The following CASP8 variants were observed in gnomAD, a reference collection of about 807,000 sequenced individuals.
The protein encoded by CASP8 is caspase-8.
Under a neutral mutation model 46.3 loss-of-function variants are expected in CASP8, and 24 were observed. That is an observed-to-expected ratio of 0.52 (90% CI 0.38 to 0.73). The LOEUF is 0.73. CASP8 is among the 30% of genes least tolerant of loss of function. The probability of loss-of-function intolerance (pLI) is 0.00; values close to 1 mark genes in which losing one functional copy is unlikely to be tolerated. For synonymous variants in CASP8, 188 were observed against 200.4 expected (o/e 0.94, Z 0.52); for missense variants, 460 against 559.0 (o/e 0.82, Z 1.79).
In CASP8 at chr2:201,272,316, A is replaced by T. The variant is rs973730266; in HGVS notation, c.412-322A>T. Among the ~76,000 whole-genome samples the T allele has an allele frequency of 6.6e-6, 1 of 152,092 alleles. No individual in the cohort carries two copies. Among genetic ancestry groups the T allele is most frequent in the Non-Finnish European group, 1.5e-5 (1 of 68,014 alleles). On this transcript the variant is annotated intron_variant, in intron 3 of 8. Coordinates refer to ENST00000673742, the MANE Select transcript of CASP8 (RefSeq NM_001372051.1). The surrounding 1 kb of genome is among the most constrained non-coding windows in gnomAD (Gnocchi z 4.4). ...TGAGGCTGTTCCCCAGGGTGTCACC[A>T]TGATGACCGGGCTGCTGTCTCAGGT...
At chr2:201,270,713 G>A (rs1948184639) in intron 2 of CASP8, among the ~76,000 whole-genome samples, 1 of 152,044 alleles carries the variant, frequency 6.6e-6, no homozygotes, top group African/African-American at 2.4e-5. Context: ...AATGTTTTTG[G>A]TAGAGATGGG....
rs1001018957 is a variant in CASP8, at chr2:201,265,323, C to T, written c.-26-1138C>T. ...CTGGGAGGCGGAGGTTGCAGTGAGC[C>T]GAGATCGCGACACTGCACTCCAGCT... On this transcript the variant is annotated intron_variant, in intron 1 of 8. Coordinates refer to ENST00000673742, the MANE Select transcript of CASP8 (RefSeq NM_001372051.1). 5.3e-5 allele frequency among the ~76,000 whole-genome samples: 8 copies of T among 150,632 alleles called. No homozygotes were observed. In the East Asian group the frequency reaches 1.4e-3, roughly 26 times the overall value.
Position 201,271,547 on chromosome 2 carries a change from A to G in CASP8, c.337A>G (p.Ser113Gly), listed in dbSNP as rs771577324. The change falls in exon 3 of 9, where the codon AGC (serine) becomes GGC (glycine). Residue 113 changes from serine (S) to glycine (G), a missense_variant. Physicochemically the swap from Ser to Gly is moderately conservative, Grantham distance 56. Transcript: ENST00000673742. ...VMLYQISEEV[S>G]RSELRSFKFL... ...GCTCTATCAGATTTCAGAAGAAGTGAGCAGATCAGAATTGAGGTCTTTTAA... is the reference window on the plus strand; with the variant it reads ...GCTCTATCAGATTTCAGAAGAAGTGGGCAGATCAGAATTGAGGTCTTTTAA... 4 of 1,609,230 alleles carry G rather than the reference A, an allele frequency of 2.5e-6. No individual in the cohort carries two copies. The South Asian group carries it at 4.4e-5, about 18-fold the overall frequency.
intron 2 of CASP8, chr2:201,240,455 A>C (rs1186190527): frequency 6.6e-6 from 1 of 152,240 alleles, no homozygotes; most frequent in African/African-American, 2.4e-5. Context: ...TATAATGAAA[A>C]AAGCATCAAT....
At position 201,248,378 on chromosome 2, in the gene CASP8, G is replaced by A. The variant is rs34725307; in HGVS notation, c.-27+14266G>A. ...GTGAATGTCCGTCCAGATGAGGTGC[G>A]GATGCAGCTGACAATGGAGGCGACT... On this transcript the variant is annotated intron_variant, in intron 2 of 6. Transcript: ENST00000264274. Among the ~76,000 whole-genome samples the A allele has an allele frequency of 1.9e-3, 282 of 152,194 alleles. 2 individuals are homozygous for A. Among genetic ancestry groups the A allele is most frequent in the African/African-American group, 6.4e-3 (264 of 41,518 alleles).
At chr2:201,253,523 C>G (rs561692952) in intron 2 of CASP8, among the ~76,000 whole-genome samples, 1 of 152,004 alleles carries the variant, frequency 6.6e-6, no homozygotes, top group South Asian at 2.1e-4. Flanking sequence ...CTGCACAGTG[C>G]TTAACAAATG....
intron 7 of CASP8, among the ~76,000 whole-genome samples, chr2:201,280,318 T>C (rs1449730682): frequency 6.6e-6 from 1 of 151,830 alleles, no homozygotes; most frequent in Non-Finnish European, 1.5e-5. Flanking sequence ...ACAATAAGAG[T>C]TCCAGAAAGA....
chr2:201,245,668 G>T (rs950416009), intron 2 of CASP8, among the ~76,000 whole-genome samples: 1 of 152,176 alleles, frequency 6.6e-6, no homozygotes, highest in Admixed American at 6.5e-5. Context: ...AGCCTGCCAC[G>T]GCTCCAGGTT....
intron 2 of CASP8, among the ~76,000 whole-genome samples, chr2:201,254,878 G>T (rs1946946321): frequency 6.6e-6 from 1 of 152,182 alleles, no homozygotes; most frequent in African/African-American, 2.4e-5. Context: ...AGCTCTCCAT[G>T]TCCCTGCAGC....
chr2:201,241,794 A>T (rs1306568745), intron 2 of CASP8: 2 of 152,244 alleles, frequency 1.3e-5, no homozygotes, highest in Non-Finnish European at 2.9e-5. Context: ...TACATATAAA[A>T]ACTCATAACA....
intron 2 of CASP8, among the ~76,000 whole-genome samples, chr2:201,251,104 C>T (rs568847453): frequency 6.6e-4 from 101 of 152,226 alleles, no homozygotes; most frequent in African/African-American, 2.4e-3. Context: ...CTTTTTATTG[C>T]TGAATAATAA....
chr2:201,260,205 C>T (rs1947290110), upstream of CASP8, among the ~76,000 whole-genome samples: 1 of 152,058 alleles, frequency 6.6e-6, no homozygotes, highest in Non-Finnish European at 1.5e-5. Context: ...TAATGATGAA[C>T]CCAGAAAAAT....
At chr2:201,276,279 G>A (rs577607948) in intron 6 of CASP8, among the ~76,000 whole-genome samples, 5 of 152,310 alleles carry the variant, frequency 3.3e-5, no homozygotes, top group East Asian at 3.9e-4. Context: ...AGCAGCCACC[G>A]TGGTCCTGAG....
chr2:201,245,463 A>G (rs942162115), intron 2 of CASP8, among the ~76,000 whole-genome samples: 1 of 152,000 alleles, frequency 6.6e-6, no homozygotes, highest in East Asian at 1.9e-4. Context: ...CTGGTCTCGA[A>G]CTCCTAACTT....
chr2:201,283,321 C>T (rs1178768988), intron 7 of CASP8, among the ~76,000 whole-genome samples: 2 of 78,264 alleles, frequency 2.6e-5, no homozygotes, highest in African/African-American at 4.5e-5. Context: ...AGAGGGGCTC[C>T]TCACTTCCCA....
chr2:201,245,115 A>G (rs2124939744), intron 2 of CASP8, among the ~76,000 whole-genome samples: 2 of 152,294 alleles, frequency 1.3e-5, no homozygotes, highest in East Asian at 3.9e-4. Context: ...GCTTGGGCCC[A>G]TTGATGTGTG....
chr2:201,236,194 AC>A (rs1399109643), intron 2 of CASP8, among the ~76,000 whole-genome samples: 1 of 150,360 alleles, frequency 6.7e-6, no homozygotes, highest in African/African-American at 2.5e-5. Context: ...GCCCCTCCCC[AC>A]CCCTGCTCCT....
At chr2:201,235,340 T>G (rs1184197399) in intron 2 of CASP8, among the ~76,000 whole-genome samples, 1 of 152,202 alleles carries the variant, frequency 6.6e-6, no homozygotes, top group Non-Finnish European at 1.5e-5. Context: ...TTTCTTTTAT[T>G]ATAGAAAAAT....
intron 2 of CASP8, among the ~76,000 whole-genome samples, chr2:201,269,165 C>A (rs756462293): frequency 2.0e-5 from 3 of 152,050 alleles, no homozygotes; most frequent in Admixed American, 2.0e-4. Context: ...GTCTTGAACT[C>A]CTGGGCTCAT....
Sources: allele counts gnomAD v4.1 joint callset (sites outside exome capture counted in the v4.1 genomes callset), GRCh38; gene constraint gnomAD v4.1.1; non-coding constraint Gnocchi (gnomAD v3.1); transcripts MANE v1.5; gene names NCBI Gene and HGNC (gene_info 2026-07-23, HGNC 2026-07-21).